The following ASTN1 variants were observed in gnomAD, a reference collection of about 807,000 sequenced individuals.
The protein encoded by ASTN1 is astrotactin 1, also known as astrotactin-1.
ASTN1 carries 41 observed loss-of-function variants against 140.7 expected under a neutral mutation model. The ratio of observed to expected loss-of-function variants is 0.29; its 90% CI spans 0.23 to 0.38. The LOEUF (loss-of-function observed/expected upper bound fraction) is 0.38, where lower values mean the gene tolerates loss of function less well. Ranked by LOEUF, ASTN1 falls within the 10% of genes least tolerant of loss-of-function variation. ASTN1 has a pLI of 1.00. For synonymous variants in ASTN1, 640 were observed against 652.2 expected, an observed-to-expected ratio of 0.98 and a Z score of 0.29; for missense variants, 1,479 against 1,678.8, an observed-to-expected ratio of 0.88 and a Z score of 2.08.
At chr1:177,125,459 C>A (rs2102189904) in intron 1 of ASTN1, among the ~76,000 whole-genome samples, 1 of 152,302 alleles carries the variant, frequency 6.6e-6, no homozygotes, top group Non-Finnish European at 1.5e-5. Flanking sequence ...GCCAAGTAGT[C>A]TTTAAAGTGA....
rs999085729 is a variant in ASTN1 at position 176,864,058 on chromosome 1, T to C, written c.*226A>G. On this transcript the variant is annotated 3_prime_UTR_variant, in exon 23 of 23. Coordinates refer to ENST00000361833, the MANE Select transcript of ASTN1 (RefSeq NM_004319.3). ...CCCAAAGTAATCCTCTAAAGAAATA[T>C]GGCACTGCATGAAGCCACTGGCTGG... is the stretch of plus-strand genomic sequence containing the variant. 7.3e-7 allele frequency: 1 copy of C among 1,363,152 alleles called. No individual in the cohort carries two copies. The highest frequency in any genetic ancestry group is 1.5e-5 in the African/African-American group (1 of 68,616). The allele number at this position is 1,363,152 out of a possible 1,614,324, so 84.4% of individuals were successfully genotyped here.
intron 1 of ASTN1, among the ~76,000 whole-genome samples, chr1:177,134,570 CT>C (rs1215873228): frequency 6.6e-6 from 1 of 152,194 alleles, no homozygotes; most frequent in African/African-American, 2.4e-5. Context: ...ATGAAAGGGG[CT>C]ATCCTCCTTA....
At chr1:177,006,386 G>A (rs187312832) in intron 8 of ASTN1, among the ~76,000 whole-genome samples, 324 of 150,368 alleles carry the variant, frequency 2.2e-3, no homozygotes, top group African/African-American at 7.5e-3. Flanking sequence ...GATAATGAAT[G>A]TATTTTTTTC....
At chr1:177,005,010 A>C (rs1338213849) in intron 8 of ASTN1, among the ~76,000 whole-genome samples, 1 of 152,230 alleles carries the variant, frequency 6.6e-6, no homozygotes, top group Non-Finnish European at 1.5e-5. Flanking sequence ...TCTGCACAGC[A>C]AAAGAAACAA....
chr1:177,026,769 T>G (rs935043343), intron 5 of ASTN1, among the ~76,000 whole-genome samples: 32 of 152,160 alleles, frequency 2.1e-4, no homozygotes, highest in African/African-American at 7.5e-4. Context: ...GTCCAAAACT[T>G]ATCTGGCCTC....
rs71129589 is a variant in ASTN1 at position 176,922,556 on chromosome 1, C to CAAAAAAAAAAAAAAAA, written c.2671+11580_2671+11595dup. Among the ~76,000 whole-genome samples the CAAAAAAAAAAAAAAAA allele has an allele frequency of 2.9e-3, 226 of 77,574 alleles. 8 individuals carry two copies. The highest frequency in any genetic ancestry group is 4.1e-3 in the Non-Finnish European group (170 of 41,596). 50.9% of individuals were successfully genotyped at this position (77,574 alleles called of 152,430 possible). ...ACAGTGTCCACTCCAGCCCCCACTG[C>CAAAAAAAAAAAAAAAA]AAAAAAAAAAAAAAAAAAAAAAAAA... is the stretch of plus-strand genomic sequence containing the variant. On this transcript the variant is annotated intron_variant, in intron 16 of 22. Transcript: ENST00000361833.
chr1:176,994,858 T>C (rs1674363470), intron 8 of ASTN1, among the ~76,000 whole-genome samples: 1 of 152,174 alleles, frequency 6.6e-6, no homozygotes, highest in African/African-American at 2.4e-5. Context: ...TGTTGGCTAT[T>C]ATTACTCATC....
At chr1:177,011,315 G>A (rs188148418) in intron 8 of ASTN1, among the ~76,000 whole-genome samples, 37 of 151,986 alleles carry the variant, frequency 2.4e-4, no homozygotes, top group Middle Eastern at 6.8e-3. Context: ...ACAGACTTTC[G>A]CTCACATCTT....
intron 8 of ASTN1, among the ~76,000 whole-genome samples, chr1:176,975,080 G>T (rs1673307791): frequency 6.6e-6 from 1 of 152,218 alleles, no homozygotes; most frequent in Admixed American, 6.5e-5. Context: ...GAGAAGCTTA[G>T]CCCAGAGAAC....
At chr1:176,949,088 G>C in intron 12 of ASTN1, 97 bp downstream of exon 12, 1 of 1,506,690 alleles carries the variant, frequency 6.6e-7, no homozygotes, top group South Asian at 1.2e-5. Context: ...GATGGCCTAG[G>C]GTGACCTATT....
At chr1:176,937,921 T>A (rs754619222) in intron 14 of ASTN1, among the ~76,000 whole-genome samples, 20 of 152,172 alleles carry the variant, frequency 1.3e-4, no homozygotes, top group Non-Finnish European at 1.9e-4. Flanking sequence ...ATTAGCTGCT[T>A]GTCAACCCTG....
At chr1:177,117,647 T>C (rs1365158231) in intron 1 of ASTN1, among the ~76,000 whole-genome samples, 2 of 152,180 alleles carry the variant, frequency 1.3e-5, no homozygotes, top group African/African-American at 4.8e-5. Flanking sequence ...TTGGTTAGCA[T>C]GGCATTCAAT....
intron 8 of ASTN1, among the ~76,000 whole-genome samples, chr1:176,994,554 G>C (rs976438281): frequency 6.6e-6 from 1 of 152,084 alleles, no homozygotes; most frequent in Non-Finnish European, 1.5e-5. Flanking sequence ...TGTTGGCCAG[G>C]CTGGTCTCGA....
chr1:176,942,866 A>ATATATATT (rs1385017638), intron 14 of ASTN1, among the ~76,000 whole-genome samples: 2,396 of 69,874 alleles, frequency 0.034, 765 homozygotes, highest in Non-Finnish European at 0.048. Context: ...ATATATATAT[A>ATATATATT]GATTGATGTC....
chr1:177,027,295 T>A (rs1442327084), intron 5 of ASTN1, among the ~76,000 whole-genome samples: 1 of 152,102 alleles, frequency 6.6e-6, no homozygotes, highest in African/African-American at 2.4e-5. Flanking sequence ...TAAGAGCTGT[T>A]AGAGCTCTTA....
In ASTN1 at chr1:176,945,993, T is replaced by A. The variant is rs199990827; in HGVS notation, c.2182A>T (p.Met728Leu). The A allele has an allele frequency of 1.2e-6, 2 of 1,614,006 alleles. No individual in the cohort carries two copies. The highest frequency in any genetic ancestry group is 1.7e-6 in the Non-Finnish European group (2 of 1,179,966). Residue 728 changes from methionine to leucine, a missense_variant, in exon 13 of 23, where the codon ATG (methionine) becomes TTG (leucine). This residue lies in a region of ASTN1 where 746 missense variants were observed against 800.9 expected (regional missense o/e 0.93). Coordinates refer to ENST00000361833, the MANE Select transcript of ASTN1 (RefSeq NM_004319.3). ...GAATGGTTGTTGTAACCAAAGAACA[T>A]CTCCCCAAAGAGGGTCTGGTTCATG... is the stretch of plus-strand genomic sequence containing the variant. ...LPMNQTLFGE[M>L]FFGYNNHSKE...
At chr1:177,068,205 C>T (rs1477815913) in intron 1 of ASTN1, among the ~76,000 whole-genome samples, 1 of 152,260 alleles carries the variant, frequency 6.6e-6, no homozygotes. Context: ...AACTCATTGC[C>T]GTAGAGCTGC....
At chr1:176,920,634 T>C (rs1670686012) in intron 16 of ASTN1, among the ~76,000 whole-genome samples, 1 of 152,218 alleles carries the variant, frequency 6.6e-6, no homozygotes, top group African/African-American at 2.4e-5. Flanking sequence ...GAGTGTGTTC[T>C]GAGTCTTACA....
downstream of ASTN1, chr1:176,861,015 A>G (rs954034821): frequency 3.4e-6 from 3 of 884,128 alleles, no homozygotes; most frequent in Admixed American, 6.2e-5. Context: ...TTCCCTGATG[A>G]GTCTAACCAG....
Sources: gnomAD v4.1 joint callset for allele counts (sites outside exome capture counted in the v4.1 genomes callset) on GRCh38, gnomAD v4.1.1 for gene constraint, gnomAD v4.1.1 regional missense constraint, MANE v1.5 for transcripts, NCBI Gene and HGNC (gene_info 2026-07-23, HGNC 2026-07-21) for gene names.